Variants in HOXA3 observed in about 807,000 individuals in gnomAD.
HOXA3 encodes homeobox A3.
HOXA3 carries 8 observed loss-of-function variants against 30.3 expected under a neutral mutation model. That is an observed-to-expected ratio of 0.26 (90% CI 0.15 to 0.48). The LOEUF is 0.48. Ranked by LOEUF, HOXA3 falls within the 20% of genes least tolerant of loss-of-function variation. The probability of loss-of-function intolerance (pLI) is 0.99; values close to 1 mark genes in which losing one functional copy is unlikely to be tolerated. For missense variants in HOXA3, 653 were observed against 614.4 expected (o/e 1.06, Z -0.66); for synonymous variants, 323 against 273.1 (o/e 1.18, Z -1.80).
chr7:27,114,266 C>A (rs1461387284), intron 4 of HOXA3, among the ~76,000 whole-genome samples: 9 of 152,122 alleles, frequency 5.9e-5, no homozygotes, highest in Non-Finnish European at 1.2e-4. Context: ...GGACAAACGG[C>A]TCTCACAAAG....
At chr7:27,142,523 G>A (rs3757639) in intron 1 of HOXA3, among the ~76,000 whole-genome samples, 16,883 of 152,176 alleles carry the variant, frequency 0.11, 1,251 homozygotes, top group East Asian at 0.23. Flanking sequence ...CAGGGTTGGG[G>A]AGCCTGTTTT....
intron 1 of HOXA3, chr7:27,141,799 C>A: frequency 6.2e-7 from 1 of 1,606,926 alleles, no homozygotes; most frequent in South Asian, 1.1e-5. Context: ...ACGCGGGATC[C>A]GCTAATACTG....
intron 1 of HOXA3, chr7:27,147,592 G>A (rs1391954304): frequency 1.2e-6 from 2 of 1,614,240 alleles, no homozygotes; most frequent in Admixed American, 1.7e-5. Context: ...ACAAGGTGAG[G>A]TGTACGTCTT....
Position 27,152,298 on chromosome 7 carries a change from T to G in HOXA3, c.-504A>C, listed in dbSNP as rs1021095598. On this transcript the variant is annotated 5_prime_UTR_variant, in exon 1 of 6. Coordinates refer to ENST00000612286, the MANE Select transcript of HOXA3 (RefSeq NM_153631.3). ...CCCCACATGTCTCACCTTCAGACGG[T>G]GGCTCCCAGAAGCTCCTGCCCCTCT... The G allele has an allele frequency of 3.1e-6, 4 of 1,278,840 alleles. No homozygotes were observed. In the African/African-American group the frequency reaches 6.1e-5, roughly 20 times the overall value. 79.2% of individuals were successfully genotyped at this position (1,278,840 alleles called of 1,614,324 possible). A position where few individuals can be genotyped will look rare whatever the true frequency, so the allele number is the denominator to read the frequency against.
At chr7:27,143,468 T>C (rs1782647883) in intron 1 of HOXA3, 2 of 1,613,810 alleles carry the variant, frequency 1.2e-6, no homozygotes, top group Non-Finnish European at 1.7e-6. Context: ...ATTGTAGCCG[T>C]AGCCGTACCT....
chr7:27,130,835 C>T, intron 2 of HOXA3: 1 of 1,178,390 alleles, frequency 8.5e-7, no homozygotes, highest in Non-Finnish European at 1.2e-6. Flanking sequence ...TCCCCCTTTC[C>T]TCTGCGCCCT....
At chr7:27,129,242 CG>C in intron 2 of HOXA3, 1 of 1,369,296 alleles carries the variant, frequency 7.3e-7, no homozygotes. Flanking sequence ...GAGGAGGGAA[CG>C]GGTGTGGAGG....
intron 2 of HOXA3, among the ~76,000 whole-genome samples, chr7:27,135,308 C>CA (rs1401392474): frequency 6.6e-6 from 1 of 152,014 alleles, no homozygotes; most frequent in African/African-American, 2.4e-5. Flanking sequence ...GCATTCCCTA[C>CA]AGTCTAGTTA....
chr7:27,146,970 G>A (rs567833143), intron 1 of HOXA3, among the ~76,000 whole-genome samples: 32 of 152,258 alleles, frequency 2.1e-4, no homozygotes, highest in Admixed American at 2.0e-3. Flanking sequence ...GGGAAGCTGA[G>A]CAGGGTACTC....
At chr7:27,129,198 T>C (rs531699547) in intron 2 of HOXA3, 7 of 1,299,420 alleles carry the variant, frequency 5.4e-6, no homozygotes, top group Middle Eastern at 1.9e-4. Context: ...AGGTAAGGGA[T>C]AGAAACTGGT....
At chr7:27,129,918 C>A (rs1785449615) in intron 2 of HOXA3, 2 of 633,216 alleles carry the variant, frequency 3.2e-6, no homozygotes, top group Admixed American at 3.0e-5. Flanking sequence ...GATAAAGGGA[C>A]CCTGGGTACA....
At chr7:27,128,889 C>T in intron 2 of HOXA3, 4 of 350,854 alleles carry the variant, frequency 1.1e-5, no homozygotes, top group Non-Finnish European at 1.6e-5. Flanking sequence ...AGTGTATGTC[C>T]CCACTCAGCA....
intron 1 of HOXA3, among the ~76,000 whole-genome samples, chr7:27,140,878 C>T (rs1782541852): frequency 6.6e-6 from 1 of 152,086 alleles, no homozygotes; most frequent in Admixed American, 6.6e-5. Context: ...CCACCTTCTG[C>T]CCTGAACTTT....
intron 3 of HOXA3, among the ~76,000 whole-genome samples, chr7:27,125,169 C>G (rs1349565332): frequency 6.6e-6 from 1 of 152,232 alleles, no homozygotes; most frequent in Non-Finnish European, 1.5e-5. Flanking sequence ...TGTCTGTGCT[C>G]TTATTGCTCT....
Position 27,108,204 on chromosome 7 carries a change from C to T in HOXA3, c.1043G>A (p.Gly348Asp), listed in dbSNP as rs1784134368. ...CCCATAGCTGCCGTTGCCCTGCAGG[C>T]CATGAGCGTGCGGGTCATAGTCGGG... is the stretch of plus-strand genomic sequence containing the variant. ...GTPDYDPHAH[G>D]LQGNGSYGTP... is the part of the protein sequence containing the mutation. Residue 348 changes from glycine to aspartate, a missense_variant, in exon 6 of 6, where the codon GGC (glycine) becomes GAC (aspartate). Physicochemically the swap from Gly to Asp is moderately conservative, Grantham distance 94 (BLOSUM62 -1). This residue lies in a region of HOXA3 where 330 missense variants were observed against 274.4 expected (regional missense o/e 1.20). Transcript: ENST00000612286. The surrounding 1 kb of genome is among the most constrained non-coding windows in gnomAD (Gnocchi z 5.0). 1.9e-6 allele frequency: 3 copies of T among 1,539,548 alleles called. No homozygotes were observed. Among genetic ancestry groups the T allele is most frequent in the Non-Finnish European group, 2.6e-6 (3 of 1,141,892 alleles).
Position 27,110,701 on chromosome 7 carries a change from AC to A in HOXA3, c.-62del, listed in dbSNP as rs1784323168. The A allele has an allele frequency of 1.6e-5, 26 of 1,582,878 alleles. No individual in the cohort carries two copies. The highest frequency in any genetic ancestry group is 2.2e-5 in the Non-Finnish European group (26 of 1,156,968). Reference sequence around the variant, plus strand: ...AGGGGTTTGACACCCGTGAGGGCGCACATTGGCACGCCCCCGCGGTCACGTG... The same window carrying A: ...AGGGGTTTGACACCCGTGAGGGCGCAATTGGCACGCCCCCGCGGTCACGTG... On this transcript the variant is annotated 5_prime_UTR_variant, in exon 5 of 6. An upstream start codon of the reference 5' UTR is lost. Transcript: ENST00000612286.
At chr7:27,123,540 A>C (rs1033446547) in intron 3 of HOXA3, 1 of 152,398 alleles carries the variant, frequency 6.6e-6, no homozygotes, top group Non-Finnish European at 1.5e-5. Flanking sequence ...CGCTCGCCGG[A>C]CCCTGGCTTG....
intron 4 of HOXA3, chr7:27,115,941 A>G (rs1328390887): frequency 1.3e-5 from 2 of 152,686 alleles, no homozygotes; most frequent in Admixed American, 1.3e-4. Flanking sequence ...AGATTATTTT[A>G]AAATAATAAT....
rs375670849 is a variant in HOXA3 at position 27,108,020 on chromosome 7, G to A, written c.1227C>T (p.His409=). The change falls in exon 6 of 6, where the codon CAC becomes CAT. Residue 409 remains histidine (H), a synonymous_variant. Coordinates refer to ENST00000612286, the MANE Select transcript of HOXA3 (RefSeq NM_153631.3). The surrounding 1 kb of genome is among the most constrained non-coding windows in gnomAD (Gnocchi z 5.0). The part of the protein sequence containing the change: ...GGAGPLGSGH[H]HGPGPGEPHP... ...GCGGCTCCCCAGGCCCCGGCCCGTG[G>A]TGGTGGCCGCTGCCCAGCGGCCCGG... is the stretch of plus-strand genomic sequence containing the variant. The A allele has an allele frequency of 3.0e-5, 49 of 1,612,744 alleles. No homozygotes were observed. Among genetic ancestry groups the A allele is most frequent in the South Asian group, 4.4e-5 (4 of 90,998 alleles).
Sources: allele counts gnomAD v4.1 joint callset (sites outside exome capture counted in the v4.1 genomes callset), GRCh38; gene constraint gnomAD v4.1.1; regional missense constraint gnomAD v4.1.1; non-coding constraint Gnocchi (gnomAD v3.1); transcripts MANE v1.5; gene names NCBI Gene and HGNC (gene_info 2026-07-23, HGNC 2026-07-21).